Variants in SMARCA4 observed in about 807,000 individuals in gnomAD.
The protein encoded by SMARCA4 is SWI/SNF-related matrix-associated actin-dependent regulator of chromatin subfamily A member 4.
SMARCA4 carries 31 observed loss-of-function variants against 193.9 expected under a neutral mutation model. The ratio of observed to expected loss-of-function variants is 0.16; its 90% CI spans 0.12 to 0.22. The LOEUF (loss-of-function observed/expected upper bound fraction) is 0.22. SMARCA4 is among the 10% of genes least tolerant of loss of function. The probability of loss-of-function intolerance (pLI) is 1.00; values close to 1 mark genes in which losing one functional copy is unlikely to be tolerated. For synonymous variants in SMARCA4, 942 were observed against 933.1 expected, an observed-to-expected ratio of 1.01 and a Z score of -0.17; for missense variants, 1,148 against 2,296.0, an observed-to-expected ratio of 0.50 and a Z score of 10.22.
rs570488492 is a variant in SMARCA4 at position 11,005,453 on chromosome 19, C to T, written c.2001+2056C>T. Among the ~76,000 whole-genome samples, 16 of 152,352 alleles carry T rather than the reference C, an allele frequency of 1.1e-4. No individual in the cohort carries two copies. The South Asian group carries it at 2.9e-3, about 28-fold the overall frequency. ...TTGTGCTCAGACACGCGCCTTCTTT[C>T]TCCTGCTGATGGTTCAGTTGTATGA... On this transcript the variant is annotated intron_variant, in intron 13 of 34. Transcript: ENST00000344626.
rs1285259908 is a variant in SMARCA4, at chr19:10,987,953, A to G, written c.1118+29A>G. 1 of 1,610,090 alleles carries G rather than the reference A, an allele frequency of 6.2e-7. No individual in the cohort carries two copies. Reference sequence around the variant, plus strand: ...AGGGCGGGGCCCAGTTGCCAAGGTCACTGCCCTGTGTCCCCCATGTCCCCC... The same window carrying G: ...AGGGCGGGGCCCAGTTGCCAAGGTCGCTGCCCTGTGTCCCCCATGTCCCCC... On this transcript the variant is annotated intron_variant, in intron 6 of 34. Transcript: ENST00000344626. The surrounding 1 kb of genome is among the most constrained non-coding windows in gnomAD (Gnocchi z 5.3).
intron 13 of SMARCA4, among the ~76,000 whole-genome samples, chr19:11,006,980 G>A (rs929399615): frequency 2.0e-5 from 3 of 152,076 alleles, no homozygotes; most frequent in African/African-American, 7.2e-5. Context: ...CCAGCTACTC[G>A]AGAGGCTGAG....
intron 30 of SMARCA4, among the ~76,000 whole-genome samples, chr19:11,054,098 A>T (rs1372359845): frequency 2.6e-5 from 4 of 152,214 alleles, no homozygotes; most frequent in African/African-American, 9.7e-5. Flanking sequence ...CACATTGTAG[A>T]ATGGCTACAA....
intron 15 of SMARCA4, chr19:11,010,962 C>A: frequency 7.8e-6 from 2 of 256,898 alleles, no homozygotes; most frequent in Non-Finnish European, 1.6e-5. Context: ...AAACGGCGAG[C>A]GTCAGGAGCT....
chr19:11,055,705 T>G (rs2076506690), intron 30 of SMARCA4, among the ~76,000 whole-genome samples: 1 of 151,964 alleles, frequency 6.6e-6, no homozygotes, highest in South Asian at 2.1e-4. Flanking sequence ...AAGCCAAGAG[T>G]CTGCACTGTT....
In SMARCA4 at chr19:11,030,341, T is replaced by C. The variant is rs562063876; in HGVS notation, c.3383-389T>C. ...CGGCGGTGTTGCCGGCATTGGCCGC[T>C]GTGTCTTCCGCTCCCCATGGAATGG... On this transcript the variant is annotated intron_variant, in intron 24 of 34. Coordinates refer to ENST00000344626, the MANE Select transcript of SMARCA4 (RefSeq NM_003072.5). This position sits in a 1 kb window ranked among gnomAD's most constrained non-coding sequence, Gnocchi z 5.5. Among the ~76,000 whole-genome samples, 11 of 152,322 alleles carry C rather than the reference T, an allele frequency of 7.2e-5. No individual in the cohort carries two copies. The South Asian group carries it at 2.3e-3, about 32-fold the overall frequency.
rs2145878787 is a variant in SMARCA4 at position 10,991,186 on chromosome 19, A to T, written c.1282A>T (p.Thr428Ser). 6.2e-7 allele frequency: 1 copy of T among 1,613,682 alleles called. No individual in the cohort carries two copies. Among genetic ancestry groups the T allele is most frequent in the Non-Finnish European group, 8.5e-7 (1 of 1,179,866 alleles). ...GGTGGTGGTGTGCATGCGGAGGGAC[A>T]CAGCGCTGGAGACAGCCCTCAATGC... ...QEVVVCMRRD[T>S]ALETALNAKA... The change falls in exon 8 of 35, where the codon ACA (threonine) becomes TCA (serine). Residue 428 changes from threonine to serine, a missense_variant. Thr to Ser is a moderately conservative substitution (Grantham distance 58). Coordinates refer to ENST00000344626, the MANE Select transcript of SMARCA4 (RefSeq NM_003072.5).
chr19:11,008,055 C>T, intron 14 of SMARCA4, 32 bp downstream of exon 14: 1 of 1,606,884 alleles, frequency 6.2e-7, no homozygotes, highest in Non-Finnish European at 8.5e-7. Flanking sequence ...TGTTCTGTGC[C>T]AGCTTCCTGT....
chr19:11,059,306 C>T (rs1600639880), intron 32 of SMARCA4: 1 of 304,248 alleles, frequency 3.3e-6, no homozygotes, highest in Admixed American at 4.9e-5. Flanking sequence ...TTGTTCTTTC[C>T]TGTGATAGAA....
intron 34 of SMARCA4, chr19:11,060,426 C>A: frequency 1.7e-6 from 1 of 600,722 alleles, no homozygotes; most frequent in Non-Finnish European, 3.0e-6. Flanking sequence ...TGTCTGGGGA[C>A]TGGGGGACAC....
In SMARCA4 at chr19:11,041,334, A is replaced by G. The variant is rs1555788095; in HGVS notation, c.4198A>G (p.Ile1400Val). 1 of 1,611,818 alleles carries G rather than the reference A, an allele frequency of 6.2e-7. No individual in the cohort carries two copies. The highest frequency in any genetic ancestry group is 1.7e-5 in the Admixed American group (1 of 60,014). The change falls in exon 30 of 35, where the codon ATC becomes GTC. Residue 1400 changes from isoleucine (I) to valine (V), a missense_variant. Transcript: ENST00000344626. This position sits in a 1 kb window ranked among gnomAD's most constrained non-coding sequence, Gnocchi z 5.6. ...KAIEEGTLEE[I>V]EEEVRQKKSS... Reference sequence around the variant, plus strand: ...CATCGAGGAGGGCACGCTGGAGGAGATCGAAGAGGAGGTCCGGCAGAAGAA... The same window carrying G: ...CATCGAGGAGGGCACGCTGGAGGAGGTCGAAGAGGAGGTCCGGCAGAAGAA...
chr19:11,016,792 T>G (rs2034962766), intron 16 of SMARCA4, among the ~76,000 whole-genome samples: 1 of 152,218 alleles, frequency 6.6e-6, no homozygotes. Flanking sequence ...TTGGCTCTTC[T>G]GTCCTTTGAC....
At chr19:10,991,858 A>G (rs1270165407) in intron 8 of SMARCA4, among the ~76,000 whole-genome samples, 1 of 152,120 alleles carries the variant, frequency 6.6e-6, no homozygotes, top group Non-Finnish European at 1.5e-5. Flanking sequence ...TGCGAGCTGC[A>G]TGGAGGATTT....
Position 11,041,671 on chromosome 19 carries a change from C to G in SMARCA4, c.4424+111C>G. On this transcript the variant is annotated intron_variant, in intron 30 of 34. Transcript: ENST00000344626. This position sits in a 1 kb window ranked among gnomAD's most constrained non-coding sequence, Gnocchi z 5.6. The stretch of plus-strand genomic sequence containing the variant: ...GGCTTGGGCCGCTCACTCTTTCACT[C>G]ATCCACAAACACTGACTGAATCTCT... 1.1e-6 allele frequency: 1 copy of G among 879,304 alleles called. No homozygotes were observed. Among genetic ancestry groups the G allele is most frequent in the Non-Finnish European group, 1.8e-6 (1 of 568,626 alleles). 54.5% of individuals were successfully genotyped at this position (879,304 alleles called of 1,614,324 possible).
At chr19:10,968,043 G>A (rs983795903) in intron 1 of SMARCA4, among the ~76,000 whole-genome samples, 22 of 151,160 alleles carry the variant, frequency 1.5e-4, no homozygotes, top group Non-Finnish European at 3.0e-4. Context: ...TGCCCTGCGG[G>A]GGTTTCACCA....
At chr19:10,993,587 T>G (rs2086742436) in intron 8 of SMARCA4, among the ~76,000 whole-genome samples, 1 of 152,150 alleles carries the variant, frequency 6.6e-6, no homozygotes, top group Non-Finnish European at 1.5e-5. Flanking sequence ...GCCAGTCGAC[T>G]GCACTGTGTG....
chr19:11,028,964 C>T (rs1020111366), intron 24 of SMARCA4, among the ~76,000 whole-genome samples: 4 of 152,188 alleles, frequency 2.6e-5, no homozygotes, highest in Non-Finnish European at 2.9e-5. Context: ...CCCCTTGTCC[C>T]GTTGATCACT....
intron 1 of SMARCA4, among the ~76,000 whole-genome samples, chr19:10,969,555 C>T (rs928303426): frequency 1.3e-5 from 2 of 152,016 alleles, no homozygotes; most frequent in Non-Finnish European, 2.9e-5. Context: ...CTCAGCCTCC[C>T]GAGTAGCTGG....
chr19:11,051,710 C>T (rs1218642498), intron 30 of SMARCA4, among the ~76,000 whole-genome samples: 5 of 152,102 alleles, frequency 3.3e-5, no homozygotes, highest in Non-Finnish European at 4.4e-5. Flanking sequence ...AGGATGGTCT[C>T]GATCTCTTGA....
Sources: gnomAD v4.1 joint callset for allele counts (sites outside exome capture counted in the v4.1 genomes callset) on GRCh38, gnomAD v4.1.1 for gene constraint, Gnocchi (gnomAD v3.1) non-coding constraint, MANE v1.5 for transcripts, NCBI Gene and HGNC (gene_info 2026-07-23, HGNC 2026-07-21) for gene names.